CLOCK: variants seen among roughly 807,000 people sequenced by gnomAD.
CLOCK encodes the protein circadian locomoter output cycles protein kaput.
In CLOCK, 43 loss-of-function variants were observed where a neutral mutation model predicts 118.4. The observed-to-expected ratio is 0.36, with a 90% CI of 0.28 to 0.47. CLOCK has a LOEUF of 0.47. Ranked by LOEUF, CLOCK falls within the 20% of genes least tolerant of loss-of-function variation. CLOCK has a pLI of 1.00. For missense variants in CLOCK, 846 were observed against 999.9 expected, an observed-to-expected ratio of 0.85 and a Z score of 2.08; for synonymous variants, 326 against 339.2, an observed-to-expected ratio of 0.96 and a Z score of 0.43.
chr4:55,432,957 C>T lies in CLOCK; in HGVS notation c.*2458G>A, dbSNP rs1722617291. ...TTGTCTTATGCTTTGTTGCTGTCAA[C>T]CTAAGTAGTACTCACAGTTCACCAT... is the stretch of plus-strand genomic sequence containing the variant. On this transcript the variant is annotated 3_prime_UTR_variant, in exon 23 of 23. Transcript: ENST00000513440. 2 of 152,556 alleles carry T rather than the reference C, an allele frequency of 1.3e-5. No individual in the cohort carries two copies. Among genetic ancestry groups the T allele is most frequent in the African/African-American group, 4.8e-5 (2 of 41,420 alleles). 9.5% of individuals were successfully genotyped at this position (152,556 alleles called of 1,614,324 possible).
At chr4:55,529,810 C>T (rs1730422424) in intron 1 of CLOCK, among the ~76,000 whole-genome samples, 2 of 152,190 alleles carry the variant, frequency 1.3e-5, no homozygotes, top group African/African-American at 4.8e-5. Flanking sequence ...AAGTCTGGTT[C>T]CATTGTCAAT....
chr4:55,454,421 C>G (rs1340412929), intron 13 of CLOCK, among the ~76,000 whole-genome samples: 2 of 151,716 alleles, frequency 1.3e-5, no homozygotes, highest in African/African-American at 4.8e-5. Context: ...TTGAGACCAC[C>G]CTGGCTCACA....
At chr4:55,449,586 T>C (rs1346120133) in intron 16 of CLOCK, 90 bp from the exon 17 acceptor site, 6 of 1,153,310 alleles carry the variant, frequency 5.2e-6, no homozygotes, top group South Asian at 1.3e-5. Context: ...TTAATAAAAA[T>C]GGCTTTTGAA....
intron 3 of CLOCK, among the ~76,000 whole-genome samples, chr4:55,483,398 T>C (rs562723839): frequency 9.2e-4 from 140 of 152,354 alleles, no homozygotes; most frequent in African/African-American, 3.2e-3. Flanking sequence ...ATATTCTTGA[T>C]GACAGTAAGT....
In CLOCK at chr4:55,450,246, G is replaced by GT; in HGVS notation, c.1207-15dup. On this transcript the variant is annotated splice_polypyrimidine_tract_variant and intron_variant, in intron 15 of 22. Transcript: ENST00000513440. ...AGAATCTTGGCTCTATGGAGACAGAGTAAAATAAATGTTTTCTTGTGGTTC... is the reference window on the plus strand; with the variant it reads ...AGAATCTTGGCTCTATGGAGACAGAGTTAAAATAAATGTTTTCTTGTGGTTC... The GT allele has an allele frequency of 6.2e-7, 1 of 1,613,742 alleles. No individual in the cohort carries two copies. Among genetic ancestry groups the GT allele is most frequent in the South Asian group, 1.1e-5 (1 of 91,078 alleles).
chr4:55,482,659 C>T (rs1727011911), intron 4 of CLOCK, 80 bp downstream of exon 4: 2 of 937,422 alleles, frequency 2.1e-6, no homozygotes, highest in African/African-American at 1.7e-5. Flanking sequence ...TTCCTTCTAT[C>T]AATTTCATAT....
intron 13 of CLOCK, among the ~76,000 whole-genome samples, chr4:55,454,796 C>CA (rs908936151): frequency 2.0e-5 from 3 of 151,938 alleles, no homozygotes; most frequent in African/African-American, 7.3e-5. Context: ...TATGGACCAA[C>CA]ATTCGGTGGA....
rs997410789 is a variant in CLOCK, at chr4:55,433,771, A to G, written c.*1644T>C. ...ATGTATGTAACTTGTATTGGAATTT[A>G]TTACTTTTAGAATATGATATTGCCA... On this transcript the variant is annotated 3_prime_UTR_variant, in exon 23 of 23. Coordinates refer to ENST00000513440, the MANE Select transcript of CLOCK (RefSeq NM_004898.4). 2 of 152,182 alleles carry G rather than the reference A, an allele frequency of 1.3e-5. No homozygotes were observed. Among genetic ancestry groups the G allele is most frequent in the Non-Finnish European group, 2.9e-5 (2 of 68,024 alleles). The allele number at this position is 152,182 out of a possible 1,614,324, so 9.4% of individuals were successfully genotyped here. A position where few individuals can be genotyped will look rare whatever the true frequency, so the allele number is the denominator to read the frequency against.
At chr4:55,498,544 TTTTCTGTCCCTATTTAC>T (rs1423592766) in intron 2 of CLOCK, among the ~76,000 whole-genome samples, 1 of 152,066 alleles carries the variant, frequency 6.6e-6, no homozygotes, top group Non-Finnish European at 1.5e-5. Flanking sequence ...CCATTTCTGC[TTTTCTGTCCCTATTTAC>T]TTTCAAAGCT....
At chr4:55,503,978 T>TAAAAGAAAAAAAAAAAGAAA (rs1553900254) in intron 2 of CLOCK, among the ~76,000 whole-genome samples, 1 of 71,130 alleles carries the variant, frequency 1.4e-5, no homozygotes, top group Non-Finnish European at 2.5e-5. Flanking sequence ...CAAAAAGAGG[T>TAAAAGAAAAAAAAAAAGAAA]AAAAAAAAAA....
At chr4:55,471,903 T>C (rs774926603) in intron 7 of CLOCK, among the ~76,000 whole-genome samples, 4 of 151,992 alleles carry the variant, frequency 2.6e-5, no homozygotes, top group African/African-American at 9.7e-5. Flanking sequence ...CGAAACCTTG[T>C]CTCTGAAAAA....
intron 7 of CLOCK, among the ~76,000 whole-genome samples, chr4:55,473,641 A>G (rs1465155894): frequency 6.6e-6 from 1 of 152,096 alleles, no homozygotes; most frequent in Non-Finnish European, 1.5e-5. Flanking sequence ...ATTGAACTTC[A>G]GTTACTGGGT....
At chr4:55,488,517 ATT>A (rs1004108530) in intron 3 of CLOCK, among the ~76,000 whole-genome samples, 5 of 152,084 alleles carry the variant, frequency 3.3e-5, no homozygotes. Flanking sequence ...ATCTCCATAT[ATT>A]CTCCCCATCA....
intron 6 of CLOCK, among the ~76,000 whole-genome samples, chr4:55,477,327 A>G (rs1726582160): frequency 6.6e-6 from 1 of 152,066 alleles, no homozygotes; most frequent in Admixed American, 6.6e-5. Flanking sequence ...ACTGGTTTCA[A>G]TGAGTGTGCC....
chr4:55,452,460 C>T (rs773931242), intron 15 of CLOCK: 18 of 152,588 alleles, frequency 1.2e-4, no homozygotes, highest in South Asian at 2.1e-4. Context: ...TTGATTACAG[C>T]CTCATGAAAG....
chr4:55,483,447 G>A (rs1727069492), intron 3 of CLOCK, among the ~76,000 whole-genome samples: 1 of 152,176 alleles, frequency 6.6e-6, no homozygotes, highest in Admixed American at 6.5e-5. Flanking sequence ...TGCAAATATG[G>A]TGCAGGGATG....
chr4:55,456,086 GGCTTTATTTTTC>G, intron 12 of CLOCK, 83 bp from the exon 13 acceptor site: 1 of 1,191,748 alleles, frequency 8.4e-7, no homozygotes, highest in Admixed American at 2.0e-5. Context: ...TTGGGGGGGG[GGCTTTATTTTTC>G]AAAAAATGGG....
intron 7 of CLOCK, among the ~76,000 whole-genome samples, chr4:55,471,932 G>T (rs1726167872): frequency 3.3e-5 from 5 of 152,118 alleles, no homozygotes; most frequent in Admixed American, 3.3e-4. Context: ...AAATTAGCCA[G>T]GTGTGGTGGC....
intron 1 of CLOCK, among the ~76,000 whole-genome samples, chr4:55,530,751 G>A (rs1730485791): frequency 1.3e-5 from 1 of 77,958 alleles, no homozygotes; most frequent in Non-Finnish European, 2.4e-5. Flanking sequence ...CTCCAGCCTG[G>A]GAAAAAGAGC....
Sources: allele counts gnomAD v4.1 joint callset (sites outside exome capture counted in the v4.1 genomes callset), GRCh38; gene constraint gnomAD v4.1.1; transcripts MANE v1.5; gene names NCBI Gene and HGNC (gene_info 2026-07-23, HGNC 2026-07-21).